Variants in MAGI2 observed in about 807,000 individuals in gnomAD.
MAGI2 encodes membrane-associated guanylate kinase, WW and PDZ domain-containing protein 2.
MAGI2 carries 35 observed loss-of-function variants against 133.3 expected under a neutral mutation model. That is an observed-to-expected ratio of 0.26 (90% CI 0.20 to 0.35). The LOEUF (loss-of-function observed/expected upper bound fraction) is 0.35, where lower values mean the gene tolerates loss of function less well. MAGI2 is among the 10% of genes least tolerant of loss of function. The probability of loss-of-function intolerance (pLI) is 1.00; values close to 1 mark genes in which losing one functional copy is unlikely to be tolerated. For missense variants in MAGI2, 1,636 were observed against 1,863.4 expected, an observed-to-expected ratio of 0.88 and a Z score of 2.25; for synonymous variants, 729 against 710.6, an observed-to-expected ratio of 1.03 and a Z score of -0.41.
chr7:78,509,288 G>A (rs968753753), intron 4 of MAGI2: 3 of 152,130 alleles, frequency 2.0e-5, no homozygotes, highest in Non-Finnish European at 4.4e-5. Flanking sequence ...GCACGAAACA[G>A]ACATTTATAA....
At chr7:78,665,669 G>C (rs372019396) in intron 2 of MAGI2, among the ~76,000 whole-genome samples, 10 of 152,004 alleles carry the variant, frequency 6.6e-5, no homozygotes, top group African/African-American at 2.4e-4. Flanking sequence ...AATTAGAGTA[G>C]CCTTAGAATA....
intron 5 of MAGI2, among the ~76,000 whole-genome samples, chr7:78,497,244 G>C (rs1312066171): frequency 6.6e-6 from 1 of 152,146 alleles, no homozygotes; most frequent in Non-Finnish European, 1.5e-5. Flanking sequence ...TGAAACATAA[G>C]ACATTATTAC....
At chr7:78,611,654 C>T (rs1054002792) in intron 3 of MAGI2, among the ~76,000 whole-genome samples, 1 of 152,184 alleles carries the variant, frequency 6.6e-6, no homozygotes, top group Non-Finnish European at 1.5e-5. Flanking sequence ...GCTTAGTTGA[C>T]ATCAAAGAGA....
chr7:79,381,549 C>T (rs190306722), intron 1 of MAGI2, among the ~76,000 whole-genome samples: 3 of 151,742 alleles, frequency 2.0e-5, no homozygotes, highest in South Asian at 2.1e-4. Flanking sequence ...CTCTATGTAG[C>T]GTCTATTAAT....
At chr7:78,891,992 C>G (rs1003018934) in intron 2 of MAGI2, among the ~76,000 whole-genome samples, 28 of 152,176 alleles carry the variant, frequency 1.8e-4, no homozygotes, top group African/African-American at 6.5e-4. Flanking sequence ...ATCATCTCAG[C>G]CCAAAATCTC....
intron 2 of MAGI2, among the ~76,000 whole-genome samples, chr7:78,743,579 C>T (rs1231017719): frequency 6.6e-6 from 1 of 152,136 alleles, no homozygotes. Flanking sequence ...TGGACTGTAA[C>T]CTCCTTGATG....
chr7:78,769,620 C>T (rs1563481883), intron 2 of MAGI2, among the ~76,000 whole-genome samples: 1 of 152,124 alleles, frequency 6.6e-6, no homozygotes, highest in South Asian at 2.1e-4. Flanking sequence ...CTCGACTACT[C>T]AAAGACCATC....
At chr7:79,364,366 T>G (rs1011069222) in intron 1 of MAGI2, among the ~76,000 whole-genome samples, 1 of 152,000 alleles carries the variant, frequency 6.6e-6, no homozygotes, top group Non-Finnish European at 1.5e-5. Flanking sequence ...CCTGAAAAAA[T>G]AAGTATGTGA....
intron 1 of MAGI2, among the ~76,000 whole-genome samples, chr7:79,236,340 G>T (rs1831922301): frequency 6.6e-6 from 1 of 152,210 alleles, no homozygotes; most frequent in Non-Finnish European, 1.5e-5. Context: ...GGACAGACCA[G>T]TTAGCCTGGG....
intron 6 of MAGI2, among the ~76,000 whole-genome samples, chr7:78,408,853 T>G (rs1343690958): frequency 6.6e-6 from 1 of 152,142 alleles, no homozygotes; most frequent in Non-Finnish European, 1.5e-5. Context: ...ACTTTTTCCA[T>G]TGTAGCAACT....
intron 1 of MAGI2, among the ~76,000 whole-genome samples, chr7:79,364,469 C>G (rs1842563539): frequency 6.6e-6 from 1 of 151,944 alleles, no homozygotes; most frequent in South Asian, 2.1e-4. Context: ...TATATAACGA[C>G]TTTATTTTTA....
intron 2 of MAGI2, among the ~76,000 whole-genome samples, chr7:78,656,453 A>T (rs528695207): frequency 6.6e-6 from 1 of 152,178 alleles, no homozygotes; most frequent in African/African-American, 2.4e-5. Flanking sequence ...GAAAATTACT[A>T]CATGATATCT....
chr7:78,564,816 C>A (rs1427531928), intron 3 of MAGI2, among the ~76,000 whole-genome samples: 2 of 55,488 alleles, frequency 3.6e-5, no homozygotes, highest in South Asian at 5.9e-4. Context: ...TTTTTTGAGA[C>A]GGAGTCTTGC....
chr7:78,770,562 C>G (rs1430445064), intron 2 of MAGI2, among the ~76,000 whole-genome samples: 1 of 152,196 alleles, frequency 6.6e-6, no homozygotes, highest in East Asian at 1.9e-4. Flanking sequence ...TAACTGTTCT[C>G]CAAACAGCCA....
At chr7:79,189,028 T>C (rs2129550984) in intron 1 of MAGI2, among the ~76,000 whole-genome samples, 1 of 152,024 alleles carries the variant, frequency 6.6e-6, no homozygotes, top group Middle Eastern at 3.4e-3. Flanking sequence ...ATTCCCTCTT[T>C]TGGACTTTTA....
At chr7:78,569,255 T>C (rs893334433) in intron 3 of MAGI2, among the ~76,000 whole-genome samples, 6 of 152,202 alleles carry the variant, frequency 3.9e-5, no homozygotes, top group African/African-American at 1.4e-4. Flanking sequence ...CTTACATCCA[T>C]AAAATACAAG....
intron 2 of MAGI2, among the ~76,000 whole-genome samples, chr7:78,653,598 CACAGGGAGGGGG>C (rs1473456282): frequency 6.6e-6 from 1 of 151,548 alleles, no homozygotes; most frequent in East Asian, 1.9e-4. Context: ...AACACATGGA[CACAGGGAGGGGG>C]ACATCACACA....
chr7:78,097,385 T>C (rs1483868825), intron 20 of MAGI2, among the ~76,000 whole-genome samples: 1 of 152,184 alleles, frequency 6.6e-6, no homozygotes, highest in East Asian at 1.9e-4. Context: ...GTAGCACTAT[T>C]TACAATAGCA....
At chr7:79,417,089 A>G (rs961491499) in intron 1 of MAGI2, among the ~76,000 whole-genome samples, 1 of 152,078 alleles carries the variant, frequency 6.6e-6, no homozygotes, top group East Asian at 1.9e-4. Context: ...TTAAAAATGA[A>G]TAAAGAAAAT....
Sources: gnomAD v4.1 joint callset for allele counts (sites outside exome capture counted in the v4.1 genomes callset) on GRCh38, gnomAD v4.1.1 for gene constraint, MANE v1.5 for transcripts, NCBI Gene and HGNC (gene_info 2026-07-23, HGNC 2026-07-21) for gene names.